Variants in AEBP2 observed in about 807,000 individuals in gnomAD.
The protein encoded by AEBP2 is AE binding protein 2.
AEBP2 carries 10 observed loss-of-function variants against 50.8 expected under a neutral mutation model. The ratio of observed to expected loss-of-function variants is 0.20; its 90% CI spans 0.12 to 0.33. The LOEUF is 0.33. Among genes scored for constraint, AEBP2 ranks in the 10% least tolerant of loss-of-function variants. AEBP2 has a pLI of 1.00. For synonymous variants in AEBP2, 296 were observed against 261.3 expected (o/e 1.13, Z -1.28); for missense variants, 570 against 688.0 (o/e 0.83, Z 1.92).
chr12:19,456,492 C>T (rs749418814), intron 1 of AEBP2: 29 of 1,496,546 alleles, frequency 1.9e-5, no homozygotes, highest in Non-Finnish European at 2.3e-5. Flanking sequence ...ACCAACATGG[C>T]GATCCATCTT....
chr12:19,436,301 C>T (rs1245939338), upstream of AEBP2, among the ~76,000 whole-genome samples: 2 of 152,184 alleles, frequency 1.3e-5, no homozygotes, highest in Non-Finnish European at 2.9e-5. Context: ...TTTCCAGGAA[C>T]TGCCCACCCT....
rs1947911913 is a variant in AEBP2 at position 19,439,822 on chromosome 12, A to AGAGGAGGAGGAGGAAGAG, written c.128_145dup (p.Glu43_Glu48dup). ...CTGAGCCCCCCGAGGAGGAGGAGGA[A>AGAGGAGGAGGAGGAAGAG]GAGGAGGAGGAGGAAGAGGAGGCGG... On this transcript the variant is annotated inframe_insertion, in exon 1 of 8. Coordinates refer to ENST00000266508, the MANE Select transcript of AEBP2 (RefSeq NM_153207.5). 2.0e-6 allele frequency: 3 copies of AGAGGAGGAGGAGGAAGAG among 1,503,038 alleles called. No homozygotes were observed. In the African/African-American group the frequency reaches 4.4e-5, roughly 22 times the overall value. The allele number at this position is 1,503,038 out of a possible 1,614,324, so 93.1% of individuals were successfully genotyped here.
At chr12:19,486,097 A>G (rs1277168018) in intron 3 of AEBP2, among the ~76,000 whole-genome samples, 1 of 152,058 alleles carries the variant, frequency 6.6e-6, no homozygotes, top group African/African-American at 2.4e-5. Context: ...ATATTTCAGT[A>G]AGACAAGATT....
At chr12:19,517,199 T>C (rs959462006) in intron 7 of AEBP2, among the ~76,000 whole-genome samples, 1 of 152,196 alleles carries the variant, frequency 6.6e-6, no homozygotes, top group African/African-American at 2.4e-5. Flanking sequence ...TGGGAAAATT[T>C]GTGAAATTAA....
intron 1 of AEBP2, chr12:19,457,722 A>C (rs2153369349): frequency 1.1e-6 from 1 of 908,396 alleles, no homozygotes; most frequent in Middle Eastern, 3.9e-4. Context: ...AAAAAAAGCT[A>C]GTCAGAGAGA....
chr12:19,480,867 T>G (rs1426613302), intron 3 of AEBP2, among the ~76,000 whole-genome samples: 6 of 152,200 alleles, frequency 3.9e-5, no homozygotes, highest in Admixed American at 3.9e-4. Context: ...CCTCAGTTAT[T>G]CACCTCGAGT....
chr12:19,473,578 G>A (rs1314985023), intron 3 of AEBP2, among the ~76,000 whole-genome samples: 1 of 151,898 alleles, frequency 6.6e-6, no homozygotes, highest in Non-Finnish European at 1.5e-5. Context: ...GCTAATTTTT[G>A]TACTTTTAGT....
In AEBP2 at chr12:19,518,696, C is replaced by A; in HGVS notation, c.*579C>A. ...GCAGAACTCTGATAAGAAAAGTGTT[C>A]AATTTGTATTTAAGCAAACAGTGAA... On this transcript the variant is annotated 3_prime_UTR_variant, in exon 8 of 8. Transcript: ENST00000266508. 6.7e-7 allele frequency: 1 copy of A among 1,488,154 alleles called. No individual in the cohort carries two copies. Among genetic ancestry groups the A allele is most frequent in the South Asian group, 1.3e-5 (1 of 76,410 alleles). 92.2% of individuals were successfully genotyped at this position (1,488,154 alleles called of 1,614,324 possible).
chr12:19,486,151 CATCTGCCCAGACT>C (rs1948806620), intron 3 of AEBP2, among the ~76,000 whole-genome samples: 1 of 152,076 alleles, frequency 6.6e-6, no homozygotes, highest in Non-Finnish European at 1.5e-5. Context: ...GCCCTCCACC[CATCTGCCCAGACT>C]ATATTCTAAT....
At position 19,422,417 on chromosome 12, in the gene AEBP2, G is replaced by T. The variant is rs1394305852; in HGVS notation, c.-17+18201G>T. On this transcript the variant is annotated intron_variant, in intron 1 of 3. Coordinates refer to the AEBP2 transcript ENST00000538425. ...TAATCAGAAAATCCATACTCCCCAGGTGGCTACTTAGGCATTTCAAGGATT... is the reference window on the plus strand; with the variant it reads ...TAATCAGAAAATCCATACTCCCCAGTTGGCTACTTAGGCATTTCAAGGATT... 2.6e-5 allele frequency among the ~76,000 whole-genome samples: 4 copies of T among 152,186 alleles called. No individual in the cohort carries two copies. In the East Asian group the frequency reaches 5.8e-4, roughly 22 times the overall value.
intron 1 of AEBP2, among the ~76,000 whole-genome samples, chr12:19,411,337 A>G (rs941134160): frequency 1.3e-5 from 2 of 152,192 alleles, no homozygotes; most frequent in African/African-American, 2.4e-5. Context: ...CAGAGGGAGG[A>G]TGTAGCTCAC....
chr12:19,497,328 GTTTTTTTTT>G lies in AEBP2; in HGVS notation c.1175-2753_1175-2745del, dbSNP rs34011915. On this transcript the variant is annotated intron_variant, in intron 4 of 7. Coordinates refer to ENST00000266508, the MANE Select transcript of AEBP2 (RefSeq NM_153207.5). ...TTCTATTTTTGTGGTTTCCAAAGGTGTTTTTTTTTTTTTTTTTTTTTTTTGAGACAGAGT... is the reference window on the plus strand; with the variant it reads ...TTCTATTTTTGTGGTTTCCAAAGGTGTTTTTTTTTTTTTTTGAGACAGAGT... Among the ~76,000 whole-genome samples the G allele has an allele frequency of 5.1e-5, 4 of 78,710 alleles. No homozygotes were observed. The Admixed American group carries it at 5.9e-4, about 12-fold the overall frequency. 51.6% of individuals were successfully genotyped at this position (78,710 alleles called of 152,430 possible).
chr12:19,478,583 C>A (rs895244743), intron 3 of AEBP2, among the ~76,000 whole-genome samples: 2 of 152,186 alleles, frequency 1.3e-5, no homozygotes, highest in African/African-American at 4.8e-5. Flanking sequence ...AACCACCTTG[C>A]CTGGCATTTG....
intron 4 of AEBP2, among the ~76,000 whole-genome samples, chr12:19,494,695 T>G (rs1476888705): frequency 1.3e-5 from 2 of 151,764 alleles, no homozygotes; most frequent in African/African-American, 2.4e-5. Context: ...CAAAACAATT[T>G]GAATGTAATG....
At chr12:19,488,727 C>T (rs528897686) in intron 3 of AEBP2, among the ~76,000 whole-genome samples, 57 of 151,704 alleles carry the variant, frequency 3.8e-4, no homozygotes, top group South Asian at 6.2e-4. Flanking sequence ...TAAATTTGTT[C>T]GGAAAAAGAA....
At chr12:19,510,122 T>G (rs1949213069) in intron 5 of AEBP2, among the ~76,000 whole-genome samples, 1 of 152,196 alleles carries the variant, frequency 6.6e-6, no homozygotes, top group Non-Finnish European at 1.5e-5. Context: ...AACCCAATGT[T>G]AAATGACTGC....
intron 3 of AEBP2, among the ~76,000 whole-genome samples, chr12:19,493,263 T>C (rs952280140): frequency 6.6e-6 from 1 of 152,010 alleles, no homozygotes; most frequent in African/African-American, 2.4e-5. Flanking sequence ...TAGCCAGGCA[T>C]GGTAGCACAC....
rs1440154490 is a variant in AEBP2, at chr12:19,520,294, C to G, written c.*2177C>G. On this transcript the variant is annotated 3_prime_UTR_variant, in exon 8 of 8. Coordinates refer to ENST00000266508, the MANE Select transcript of AEBP2 (RefSeq NM_153207.5). ...CCTGAAAAGATACATCTGATATTTT[C>G]TATATAGAGCACAGTAAATAAGTTT... 1 of 152,052 alleles carries G rather than the reference C, an allele frequency of 6.6e-6. No individual in the cohort carries two copies. Among genetic ancestry groups the G allele is most frequent in the Admixed American group, 6.6e-5 (1 of 15,264 alleles). 9.4% of individuals were successfully genotyped at this position (152,052 alleles called of 1,614,324 possible). A position where few individuals can be genotyped will look rare whatever the true frequency, so the allele number is the denominator to read the frequency against.
intron 2 of AEBP2, among the ~76,000 whole-genome samples, chr12:19,464,272 T>C (rs1196457717): frequency 6.6e-6 from 1 of 152,232 alleles, no homozygotes; most frequent in Non-Finnish European, 1.5e-5. Context: ...AAGTTGGTTT[T>C]CTGGCTTTTG....
Sources: allele counts gnomAD v4.1 joint callset (sites outside exome capture counted in the v4.1 genomes callset), GRCh38; gene constraint gnomAD v4.1.1; transcripts MANE v1.5; gene names NCBI Gene and HGNC (gene_info 2026-07-23, HGNC 2026-07-21).